ATIC: variants seen among roughly 807,000 people sequenced by gnomAD.
ATIC encodes 5-aminoimidazole-4-carboxamide ribonucleotide formyltransferase/IMP cyclohydrolase.
A neutral mutation model predicts 72.5 loss-of-function variants in ATIC; 64 were observed. That is an observed-to-expected ratio of 0.88 (90% confidence interval 0.72 to 1.09). The LOEUF is 1.09. Among genes scored for constraint, ATIC ranks in the 50% least tolerant of loss-of-function variants. The pLI, the probability that ATIC is intolerant of heterozygous loss-of-function variation, is 0.00. For missense variants in ATIC, 787 were observed against 732.4 expected (o/e 1.07, Z -0.86); for synonymous variants, 281 against 267.1 (o/e 1.05, Z -0.51).
downstream of ATIC, among the ~76,000 whole-genome samples, chr2:215,349,972 C>T (rs1034887317): frequency 6.6e-6 from 1 of 152,156 alleles, no homozygotes; most frequent in African/African-American, 2.4e-5. Context: ...TCACTGTGTA[C>T]AGGCCACACT....
At chr2:215,361,908 A>T in the ATIC span, 2 of 1,598,922 alleles carry the variant, frequency 1.3e-6, no homozygotes, top group South Asian at 1.1e-5. Context: ...CTGAAGAAAG[A>T]TACCTGTAGA....
At chr2:215,324,698 C>T (rs1004296392) in intron 4 of ATIC, among the ~76,000 whole-genome samples, 2 of 152,086 alleles carry the variant, frequency 1.3e-5, no homozygotes, top group Non-Finnish European at 2.9e-5. Flanking sequence ...TAGATTACTT[C>T]TGTATTTTAA....
intron 8 of ATIC, among the ~76,000 whole-genome samples, 167 bp downstream of exon 8, chr2:215,332,674 C>G (rs1435399972): frequency 3.3e-5 from 5 of 152,168 alleles, no homozygotes; most frequent in Non-Finnish European, 7.3e-5. Context: ...GATACACACA[C>G]ACACACAGAA....
chr2:215,339,791 C>A (rs536377257), intron 12 of ATIC, among the ~76,000 whole-genome samples: 3 of 151,822 alleles, frequency 2.0e-5, no homozygotes, highest in African/African-American at 7.3e-5. Context: ...CCCGCCACAA[C>A]GCCTGGCTAA....
intron 12 of ATIC, among the ~76,000 whole-genome samples, chr2:215,341,261 T>A (rs139994160): frequency 1.3e-5 from 2 of 152,346 alleles, no homozygotes; most frequent in South Asian, 4.1e-4. Flanking sequence ...GAATCCACTC[T>A]GGTTGGTTCA....
downstream of ATIC, among the ~76,000 whole-genome samples, chr2:215,350,015 G>A (rs1171344582): frequency 6.6e-6 from 1 of 152,142 alleles, no homozygotes; most frequent in Non-Finnish European, 1.5e-5. Context: ...TCTTAAAGGT[G>A]GAGTATTGAT....
intron 4 of ATIC, among the ~76,000 whole-genome samples, chr2:215,320,499 C>G (rs538254171): frequency 2.0e-5 from 3 of 152,280 alleles, no homozygotes; most frequent in Admixed American, 6.5e-5. Context: ...GGGGAGCTGG[C>G]ATATCCCATG....
At chr2:215,312,843 A>G (rs751479761) in intron 2 of ATIC, among the ~76,000 whole-genome samples, 9 of 152,206 alleles carry the variant, frequency 5.9e-5, no homozygotes, top group Non-Finnish European at 1.2e-4. Flanking sequence ...TCACGCATGT[A>G]ATCCCAGCAC....
At chr2:215,364,703 A>T in the ATIC span, 1 of 638,438 alleles carries the variant, frequency 1.6e-6, no homozygotes, top group Non-Finnish European at 2.8e-6. Flanking sequence ...AATGGCATGT[A>T]AGGTAGACAT....
Position 215,349,718 on chromosome 2 carries a change from G to C in ATIC, c.*63G>C. 1 of 1,612,896 alleles carries C rather than the reference G, an allele frequency of 6.2e-7. No individual in the cohort carries two copies. Among genetic ancestry groups the C allele is most frequent in the South Asian group, 1.1e-5 (1 of 90,992 alleles). On this transcript the variant is annotated 3_prime_UTR_variant, in exon 16 of 16. Coordinates refer to ENST00000236959, the MANE Select transcript of ATIC (RefSeq NM_004044.7). ...GGTGAACAGTCACGCCTGAAACTTTGAGGATAACTTTTTAAAAAAATAAAA... is the reference window on the plus strand; with the variant it reads ...GGTGAACAGTCACGCCTGAAACTTTCAGGATAACTTTTTAAAAAAATAAAA...
At chr2:215,342,616 T>C (rs1173361924) in intron 12 of ATIC, among the ~76,000 whole-genome samples, 1 of 152,232 alleles carries the variant, frequency 6.6e-6, no homozygotes, top group African/African-American at 2.4e-5. Flanking sequence ...AATCTGTTTT[T>C]CCTTTCTATA....
the ATIC span, chr2:215,368,160 T>C: frequency 1.3e-5 from 13 of 981,934 alleles, no homozygotes; most frequent in African/African-American, 1.9e-4. Context: ...GAGGCATTCA[T>C]CTGTTCTATC....
chr2:215,332,170 G>GTGTGTTCA (rs1553571760), intron 7 of ATIC, among the ~76,000 whole-genome samples: 4 of 133,094 alleles, frequency 3.0e-5, no homozygotes, highest in Non-Finnish European at 4.9e-5. Context: ...GTGTGTGTGT[G>GTGTGTTCA]TGTGTTCATG....
At chr2:215,351,158 G>A (rs1575128492), downstream of ATIC, among the ~76,000 whole-genome samples, 1 of 152,296 alleles carries the variant, frequency 6.6e-6, no homozygotes, top group African/African-American at 2.4e-5. Flanking sequence ...CCTCCACAAG[G>A]AGAGACGCCA....
At position 215,349,615 on chromosome 2, in the gene ATIC, T is replaced by C. The variant is rs766544302; in HGVS notation, c.1739T>C (p.Ile580Thr). 7 of 1,614,076 alleles carry C rather than the reference T, an allele frequency of 4.3e-6. No homozygotes were observed. ...VVIEACDELG[I>T]ILAHTNLRLF... ...ATTGAGGCCTGCGACGAACTGGGAA[T>C]CATCCTCGCTCATACGAACCTTCGG... Residue 580 changes from isoleucine (I) to threonine (T), a missense_variant, in exon 16 of 16, where the codon ATC (isoleucine) becomes ACC (threonine). Physicochemically the swap from Ile to Thr is moderately conservative, Grantham distance 89. Coordinates refer to ENST00000236959, the MANE Select transcript of ATIC (RefSeq NM_004044.7).
chr2:215,324,909 T>C (rs1484483757), intron 4 of ATIC, among the ~76,000 whole-genome samples: 1 of 152,232 alleles, frequency 6.6e-6, no homozygotes, highest in African/African-American at 2.4e-5. Context: ...TTTATACTTC[T>C]ATTAAAATGT....
chr2:215,314,275 T>G (rs1401605471), intron 2 of ATIC, among the ~76,000 whole-genome samples: 2 of 152,226 alleles, frequency 1.3e-5, no homozygotes, highest in Non-Finnish European at 2.9e-5. Context: ...CTGAATGAAA[T>G]GTAAACAACT....
At chr2:215,314,480 C>T (rs888790931) in intron 2 of ATIC, among the ~76,000 whole-genome samples, 6 of 151,972 alleles carry the variant, frequency 3.9e-5, no homozygotes, top group Admixed American at 1.3e-4. Context: ...GATTACACAG[C>T]TAGTTAAGAG....
At chr2:215,328,470 T>C (rs928358802) in intron 7 of ATIC, among the ~76,000 whole-genome samples, 5 of 152,054 alleles carry the variant, frequency 3.3e-5, no homozygotes, top group African/African-American at 4.8e-5. Flanking sequence ...GCCCTGTGCC[T>C]CCAAGTGGGC....
Sources: gnomAD v4.1 joint callset for allele counts (sites outside exome capture counted in the v4.1 genomes callset) on GRCh38, gnomAD v4.1.1 for gene constraint, MANE v1.5 for transcripts, NCBI Gene and HGNC (gene_info 2026-07-23, HGNC 2026-07-21) for gene names.